The following TUBA1C variants were observed in gnomAD, a reference collection of about 807,000 sequenced individuals.
The protein encoded by TUBA1C is tubulin alpha-1C chain.
TUBA1C carries 16 observed loss-of-function variants against 34.9 expected under a neutral mutation model. The ratio of observed to expected loss-of-function variants is 0.46; its 90% CI spans 0.31 to 0.70. TUBA1C has a LOEUF of 0.70. Among genes scored for constraint, TUBA1C ranks in the 30% least tolerant of loss-of-function variants. The probability of loss-of-function intolerance (pLI) is 0.05; values close to 1 mark genes in which losing one functional copy is unlikely to be tolerated. For missense variants in TUBA1C, 329 were observed against 587.3 expected (o/e 0.56, Z 4.55); for synonymous variants, 177 against 215.9 (o/e 0.82, Z 1.58).
chr12:49,254,292 C>T (rs1047102849), intron 1 of TUBA1C, among the ~76,000 whole-genome samples: 1 of 151,574 alleles, frequency 6.6e-6, no homozygotes, highest in Non-Finnish European at 1.5e-5. Flanking sequence ...GCCTGGGCAA[C>T]AAGAGTGAAA....
At chr12:49,262,132 T>C (rs1019207262), upstream of TUBA1C, among the ~76,000 whole-genome samples, 8 of 151,610 alleles carry the variant, frequency 5.3e-5, no homozygotes, top group African/African-American at 1.9e-4. Context: ...AGTTATATAT[T>C]AGCCAGGCGT....
chr12:49,232,073 G>A (rs1031299948), intron 1 of TUBA1C, among the ~76,000 whole-genome samples: 3 of 152,182 alleles, frequency 2.0e-5, no homozygotes, highest in Non-Finnish European at 4.4e-5. Context: ...ATTGGGAGGA[G>A]CTGCCCTCAG....
intron 1 of TUBA1C, among the ~76,000 whole-genome samples, chr12:49,254,037 T>A (rs1318122903): frequency 6.6e-6 from 1 of 152,004 alleles, no homozygotes; most frequent in Non-Finnish European, 1.5e-5. Context: ...GGGAGCCGGG[T>A]GCGGTGACTT....
intron 1 of TUBA1C, among the ~76,000 whole-genome samples, chr12:49,246,775 C>T (rs1481298338): frequency 6.6e-6 from 1 of 152,178 alleles, no homozygotes; most frequent in African/African-American, 2.4e-5. Context: ...CATTTCAGGA[C>T]AATTTCTGCC....
chr12:49,254,503 A>C (rs1218562924), intron 1 of TUBA1C, among the ~76,000 whole-genome samples: 1 of 150,304 alleles, frequency 6.7e-6, no homozygotes, highest in Non-Finnish European at 1.5e-5. Flanking sequence ...AAAAAAAAAA[A>C]AAAAACGGGA....
At position 49,265,176 on chromosome 12, in the gene TUBA1C, C is replaced by A; in HGVS notation, c.-6C>A. The stretch of plus-strand genomic sequence containing the variant: ...TCACCGCCGCAGACCCCTTCAAGTT[C>A]TAGTCATGGTGAGTGGGGTTCCCTC... On this transcript the variant is annotated 5_prime_UTR_variant, in exon 1 of 4. Coordinates refer to ENST00000301072, the MANE Select transcript of TUBA1C (RefSeq NM_032704.5). The A allele has an allele frequency of 1.2e-6, 2 of 1,603,962 alleles. No individual in the cohort carries two copies. Among genetic ancestry groups the A allele is most frequent in the Non-Finnish European group, 1.7e-6 (2 of 1,173,142 alleles).
At chr12:49,234,036 G>C (rs12824458) in intron 1 of TUBA1C, 38,389 of 152,176 alleles carry the variant, frequency 0.25, 5,518 homozygotes, top group East Asian at 0.67. Context: ...GGATGACGGT[G>C]ACGCGCAATA....
At chr12:49,268,075 A>T (rs1407102538) in intron 1 of TUBA1C, among the ~76,000 whole-genome samples, 1 of 152,048 alleles carries the variant, frequency 6.6e-6, no homozygotes, top group African/African-American at 2.4e-5. Context: ...TCCACCTCAT[A>T]AATATATATC....
intron 1 of TUBA1C, among the ~76,000 whole-genome samples, chr12:49,239,984 C>T (rs1942595332): frequency 6.6e-6 from 1 of 150,678 alleles, no homozygotes; most frequent in East Asian, 2.0e-4. Flanking sequence ...TGTTGTTCTG[C>T]TTATTTCAGT....
At chr12:49,272,228 A>G (rs769228545) in intron 3 of TUBA1C, 25 bp from the exon 4 acceptor site, 25 of 1,575,588 alleles carry the variant, frequency 1.6e-5, no homozygotes, top group Admixed American at 1.3e-4. Context: ...TCGCAACACT[A>G]AAATGAAACT....
At position 49,274,544 on chromosome 12, in the gene TUBA1C, C is replaced by T. The variant is rs2137028154; in HGVS notation, c.*1317C>T. 6.6e-6 allele frequency: 1 copy of T among 152,008 alleles called. No individual in the cohort carries two copies. Among genetic ancestry groups the T allele is most frequent in the South Asian group, 2.1e-4 (1 of 4,812 alleles). 9.4% of individuals were successfully genotyped at this position (152,008 alleles called of 1,614,324 possible). On this transcript the variant is annotated 3_prime_UTR_variant, in exon 4 of 4. Transcript: ENST00000301072. ...ACTGCTGGAGCCAAAATTCAAGTGC[C>T]CAGCCACACTGCCAGAACTATTGCT...
chr12:49,258,927 T>C (rs1170151011), intron 1 of TUBA1C, among the ~76,000 whole-genome samples: 1 of 151,550 alleles, frequency 6.6e-6, no homozygotes, highest in Non-Finnish European at 1.5e-5. Flanking sequence ...TGGCTAACTT[T>C]TTTGTATTTT....
At chr12:49,245,809 C>T (rs1163800323) in intron 1 of TUBA1C, among the ~76,000 whole-genome samples, 1 of 152,186 alleles carries the variant, frequency 6.6e-6, no homozygotes, top group Non-Finnish European at 1.5e-5. Flanking sequence ...AGGTTCTAAC[C>T]TGAGGTTACA....
chr12:49,266,025 G>T (rs989273649), intron 1 of TUBA1C, among the ~76,000 whole-genome samples: 11 of 150,968 alleles, frequency 7.3e-5, no homozygotes, highest in African/African-American at 2.7e-4. Context: ...AGCTACTCGG[G>T]AGGCTGAGGC....
In TUBA1C at chr12:49,265,087, T is replaced by C; in HGVS notation, c.-95T>C. On this transcript the variant is annotated 5_prime_UTR_variant, in exon 1 of 4. Coordinates refer to ENST00000301072, the MANE Select transcript of TUBA1C (RefSeq NM_032704.5). ...TCGGGGCCGGCCACCCTTTCACTAC[T>C]TCTCCCCCGGACTCCTTGGTAGTCT... is the stretch of plus-strand genomic sequence containing the variant. The C allele has an allele frequency of 1.4e-6, 2 of 1,458,658 alleles. No individual in the cohort carries two copies. The highest frequency in any genetic ancestry group is 1.5e-5 in the South Asian group (1 of 67,646). The allele number at this position is 1,458,658 out of a possible 1,614,324, so 90.4% of individuals were successfully genotyped here.
upstream of TUBA1C, among the ~76,000 whole-genome samples, chr12:49,260,883 C>T (rs1210390066): frequency 6.6e-6 from 1 of 152,082 alleles, no homozygotes; most frequent in Non-Finnish European, 1.5e-5. Flanking sequence ...GCACACACCA[C>T]CATGTCCAGC....
chr12:49,247,681 C>T (rs1025135048), intron 1 of TUBA1C, among the ~76,000 whole-genome samples: 1 of 152,156 alleles, frequency 6.6e-6, no homozygotes, highest in Admixed American at 6.6e-5. Flanking sequence ...GGCATGGTGG[C>T]TTACGCCTGT....
intron 1 of TUBA1C, among the ~76,000 whole-genome samples, chr12:49,242,581 C>A (rs1942628595): frequency 1.3e-5 from 2 of 152,130 alleles, no homozygotes; most frequent in Non-Finnish European, 2.9e-5. Context: ...AATCCTCCCA[C>A]CTCAGCCTCC....
intron 1 of TUBA1C, chr12:49,228,179 T>C (rs1415215024): frequency 3.3e-6 from 5 of 1,535,340 alleles, no homozygotes; most frequent in African/African-American, 2.7e-5. Flanking sequence ...AAGGCTGTAA[T>C]AGTAATGTAA....
Sources: gnomAD v4.1 joint callset for allele counts (sites outside exome capture counted in the v4.1 genomes callset) on GRCh38, gnomAD v4.1.1 for gene constraint, MANE v1.5 for transcripts, NCBI Gene and HGNC (gene_info 2026-07-23, HGNC 2026-07-21) for gene names.